Variants in DCC observed in about 807,000 individuals in gnomAD.
DCC encodes the protein netrin receptor DCC.
In DCC, 58 loss-of-function variants were observed where a neutral mutation model predicts 172.5. The observed-to-expected ratio is 0.34, with a 90% confidence interval of 0.27 to 0.42. The LOEUF (loss-of-function observed/expected upper bound fraction) is 0.42. Ranked by LOEUF, DCC falls within the 10% of genes least tolerant of loss-of-function variation. The pLI is 1.00. For synonymous variants in DCC, 709 were observed against 644.5 expected (o/e 1.10, Z -1.52); for missense variants, 1,740 against 1,791.0 (o/e 0.97, Z 0.51).
chr18:52,631,051 G>A (rs2034665460), intron 1 of DCC, among the ~76,000 whole-genome samples: 1 of 152,136 alleles, frequency 6.6e-6, no homozygotes. Context: ...AGCATCTTAG[G>A]TCATCAGCCA....
chr18:53,476,615 AT>A (rs1049524208), intron 25 of DCC, among the ~76,000 whole-genome samples: 4 of 150,096 alleles, frequency 2.7e-5, no homozygotes, highest in South Asian at 2.1e-4. Flanking sequence ...TTATTTATTT[AT>A]TTTTTTTGTA....
At chr18:53,317,706 C>T (rs947050667) in intron 13 of DCC, among the ~76,000 whole-genome samples, 4 of 151,748 alleles carry the variant, frequency 2.6e-5, no homozygotes, top group East Asian at 3.9e-4. Context: ...AGTCTTGCAG[C>T]GGGCAGGGGG....
chr18:53,046,495 C>T (rs1157762643), intron 5 of DCC, among the ~76,000 whole-genome samples: 1 of 149,850 alleles, frequency 6.7e-6, no homozygotes, highest in Non-Finnish European at 1.5e-5. Flanking sequence ...AAAAAGCCTG[C>T]AGATAATTTA....
chr18:53,296,610 A>G (rs971975439), intron 12 of DCC, among the ~76,000 whole-genome samples: 5 of 152,168 alleles, frequency 3.3e-5, no homozygotes, highest in Admixed American at 3.3e-4. Context: ...CAATAGACAA[A>G]TCAAGGTCAG....
intron 12 of DCC, among the ~76,000 whole-genome samples, chr18:53,292,035 G>A (rs1188455824): frequency 6.6e-6 from 1 of 151,670 alleles, no homozygotes; most frequent in Non-Finnish European, 1.5e-5. Context: ...TTTAAATCCA[G>A]GAGCTTAAAA....
intron 1 of DCC, among the ~76,000 whole-genome samples, chr18:52,540,981 T>C (rs1568219494): frequency 6.6e-6 from 1 of 152,154 alleles, no homozygotes; most frequent in African/African-American, 2.4e-5. Context: ...TGGGTGGTGA[T>C]AGCAAGAATA....
At chr18:52,866,707 G>T (rs2039234299) in intron 2 of DCC, among the ~76,000 whole-genome samples, 1 of 152,182 alleles carries the variant, frequency 6.6e-6, no homozygotes, top group East Asian at 1.9e-4. Context: ...GTATAGGAAT[G>T]CTTATGATTT....
At chr18:53,520,691 G>A (rs1377930794) in intron 27 of DCC, among the ~76,000 whole-genome samples, 1 of 152,054 alleles carries the variant, frequency 6.6e-6, no homozygotes, top group Non-Finnish European at 1.5e-5. Context: ...ACATCATGTA[G>A]GGATGGAGTT....
intron 12 of DCC, among the ~76,000 whole-genome samples, chr18:53,247,612 T>C (rs1422904620): frequency 2.6e-5 from 4 of 152,008 alleles, no homozygotes; most frequent in African/African-American, 9.7e-5. Flanking sequence ...CACATAAAGA[T>C]GTAGATTGAT....
intron 1 of DCC, among the ~76,000 whole-genome samples, chr18:52,403,051 G>A (rs1986499764): frequency 6.6e-6 from 1 of 151,962 alleles, no homozygotes; most frequent in African/African-American, 2.4e-5. Context: ...ATTAACAGAA[G>A]GATTTGGCTA....
chr18:52,752,440 T>A (rs923169912), intron 2 of DCC, 66 bp downstream of exon 2: 2 of 1,259,522 alleles, frequency 1.6e-6, no homozygotes, highest in African/African-American at 2.9e-5. Context: ...TTTTTGGGGA[T>A]GAGAAAATAA....
chr18:52,710,119 G>T (rs902194777), intron 1 of DCC, among the ~76,000 whole-genome samples: 1 of 152,196 alleles, frequency 6.6e-6, no homozygotes, highest in African/African-American at 2.4e-5. Context: ...AGAGATATGT[G>T]TAAGGATATA....
At chr18:53,243,915 A>C (rs2056335921) in intron 12 of DCC, among the ~76,000 whole-genome samples, 1 of 152,210 alleles carries the variant, frequency 6.6e-6, no homozygotes, top group South Asian at 2.1e-4. Context: ...AAGCAAGCTT[A>C]TGAACTGTCC....
At chr18:52,764,575 C>G (rs1031335293) in intron 2 of DCC, among the ~76,000 whole-genome samples, 1 of 152,226 alleles carries the variant, frequency 6.6e-6, no homozygotes, top group Non-Finnish European at 1.5e-5. Context: ...CTTGTTTCCT[C>G]TCTTATCATG....
At chr18:52,488,816 G>T (rs1311580773) in intron 1 of DCC, among the ~76,000 whole-genome samples, 1 of 152,016 alleles carries the variant, frequency 6.6e-6, no homozygotes, top group Admixed American at 6.6e-5. Context: ...TAAGTTCATT[G>T]TGTTCTCTGC....
intron 2 of DCC, among the ~76,000 whole-genome samples, chr18:52,898,838 G>A (rs1409055030): frequency 6.6e-6 from 1 of 152,128 alleles, no homozygotes; most frequent in Non-Finnish European, 1.5e-5. Flanking sequence ...ATTGGTCTGA[G>A]GAGATTGATG....
intron 25 of DCC, among the ~76,000 whole-genome samples, chr18:53,475,315 A>C (rs562767504): frequency 1.3e-5 from 2 of 152,334 alleles, no homozygotes; most frequent in South Asian, 4.1e-4. Context: ...TTAATCCACA[A>C]TATAATAGGG....
At chr18:53,166,363 G>A (rs2054922333) in intron 8 of DCC, among the ~76,000 whole-genome samples, 3 of 152,084 alleles carry the variant, frequency 2.0e-5, no homozygotes, top group Admixed American at 1.3e-4. Flanking sequence ...ATAGGAATCT[G>A]GAGCTCAAAG....
intron 8 of DCC, among the ~76,000 whole-genome samples, chr18:53,165,746 T>C (rs2054908947): frequency 6.6e-6 from 1 of 152,210 alleles, no homozygotes; most frequent in Admixed American, 6.5e-5. Context: ...GTTGACTATA[T>C]GTCCATGTCC....
Sources: allele counts gnomAD v4.1 joint callset (sites outside exome capture counted in the v4.1 genomes callset), GRCh38; gene constraint gnomAD v4.1.1; transcripts MANE v1.5; gene names NCBI Gene and HGNC (gene_info 2026-07-23, HGNC 2026-07-21).